The following ZDHHC14 variants were observed in gnomAD, a reference collection of about 807,000 sequenced individuals.
ZDHHC14 encodes the protein palmitoyltransferase ZDHHC14.
Under a neutral mutation model 47.7 loss-of-function variants are expected in ZDHHC14, and 16 were observed. The ratio of observed to expected loss-of-function variants is 0.34; its 90% CI spans 0.23 to 0.51. ZDHHC14 has a LOEUF of 0.51. Among genes scored for constraint, ZDHHC14 ranks in the 20% least tolerant of loss-of-function variants. The pLI, the probability that ZDHHC14 is intolerant of heterozygous loss-of-function variation, is 0.97. For synonymous variants in ZDHHC14, 293 were observed against 278.9 expected, an observed-to-expected ratio of 1.05 and a Z score of -0.50; for missense variants, 515 against 662.5, an observed-to-expected ratio of 0.78 and a Z score of 2.44.
intron 1 of ZDHHC14, among the ~76,000 whole-genome samples, chr6:157,491,140 G>GC (rs1286382012): frequency 1.3e-5 from 2 of 152,296 alleles, no homozygotes; most frequent in East Asian, 3.9e-4. Flanking sequence ...TACCCTTCTT[G>GC]CCCCCGTTTG....
chr6:157,586,956 A>G lies in ZDHHC14; in HGVS notation c.407-6032A>G, dbSNP rs1582981500. Among the ~76,000 whole-genome samples the G allele has an allele frequency of 6.6e-6, 1 of 152,222 alleles. No individual in the cohort carries two copies. The highest frequency in any genetic ancestry group is 1.5e-5 in the Non-Finnish European group (1 of 68,030). ...AAATGCACTTTGGAACTAAAGATCA[A>G]TAGAGTTTATCTTCAGGAGTGTCAG... On this transcript the variant is annotated intron_variant, in intron 2 of 8. Coordinates refer to ENST00000359775, the MANE Select transcript of ZDHHC14 (RefSeq NM_024630.3). This position sits in a 1 kb window ranked among gnomAD's most constrained non-coding sequence, Gnocchi z 4.6.
chr6:157,471,497 C>A (rs1157843160), intron 1 of ZDHHC14, among the ~76,000 whole-genome samples: 1 of 152,226 alleles, frequency 6.6e-6, no homozygotes, highest in African/African-American at 2.4e-5. Flanking sequence ...AGGGCAATTC[C>A]AGCATCTGTG....
intron 5 of ZDHHC14, among the ~76,000 whole-genome samples, chr6:157,635,974 G>A (rs1776952942): frequency 6.6e-6 from 1 of 152,144 alleles, no homozygotes; most frequent in Non-Finnish European, 1.5e-5. Flanking sequence ...TCTGGGTGCT[G>A]ACTCTTTCCT....
chr6:157,503,579 C>T (rs1209560000), intron 1 of ZDHHC14, among the ~76,000 whole-genome samples: 1 of 152,118 alleles, frequency 6.6e-6, no homozygotes, highest in African/African-American at 2.4e-5. Flanking sequence ...CTCAGAGTCA[C>T]CTACTGTCTC....
At chr6:157,485,696 G>C (rs923197889) in intron 1 of ZDHHC14, among the ~76,000 whole-genome samples, 1 of 103,364 alleles carries the variant, frequency 9.7e-6, no homozygotes, top group African/African-American at 3.4e-5. Context: ...TTTTTTTTTT[G>C]AAGGGAAAAA....
At chr6:157,464,048 A>T (rs1779153567) in intron 1 of ZDHHC14, among the ~76,000 whole-genome samples, 1 of 152,144 alleles carries the variant, frequency 6.6e-6, no homozygotes, top group Non-Finnish European at 1.5e-5. Context: ...AAATAAAATA[A>T]ATTAACACTA....
chr6:157,520,210 G>A (rs944344849), intron 1 of ZDHHC14, among the ~76,000 whole-genome samples: 2 of 152,144 alleles, frequency 1.3e-5, no homozygotes, highest in Non-Finnish European at 2.9e-5. Context: ...CTGACTGCAG[G>A]GGAGGAGCCT....
chr6:157,580,539 G>A (rs766873856), intron 2 of ZDHHC14, among the ~76,000 whole-genome samples: 11 of 152,074 alleles, frequency 7.2e-5, no homozygotes, highest in Non-Finnish European at 1.2e-4. Flanking sequence ...TGGTTAGTAA[G>A]CTTTTTATTA....
At chr6:157,415,815 C>T (rs893310336) in intron 1 of ZDHHC14, among the ~76,000 whole-genome samples, 1 of 151,198 alleles carries the variant, frequency 6.6e-6, no homozygotes, top group Non-Finnish European at 1.5e-5. Flanking sequence ...CAGAGATTGC[C>T]GTGAGCCGAG....
chr6:157,627,973 AC>A (rs1243390623), intron 3 of ZDHHC14, among the ~76,000 whole-genome samples: 1 of 152,198 alleles, frequency 6.6e-6, no homozygotes, highest in Non-Finnish European at 1.5e-5. Flanking sequence ...CCCAGAACTT[AC>A]CATCAGGCGG....
Position 157,606,913 on chromosome 6 carries a change from T to G in ZDHHC14, c.565+13767T>G, listed in dbSNP as rs567971201. ...TGGGAAACACATCACACTAGTGGTG[T>G]TTGTCACCACTAGAAACTGCAGCTA... On this transcript the variant is annotated intron_variant, in intron 3 of 8. Transcript: ENST00000359775. 2.4e-4 allele frequency among the ~76,000 whole-genome samples: 37 copies of G among 152,366 alleles called. No individual in the cohort carries two copies. The South Asian group carries it at 2.5e-3, about 10-fold the overall frequency.
intron 8 of ZDHHC14, among the ~76,000 whole-genome samples, chr6:157,665,694 G>A (rs1778523534): frequency 6.6e-6 from 1 of 152,126 alleles, no homozygotes; most frequent in Admixed American, 6.5e-5. Context: ...TAGAAAGCTG[G>A]CATCAAAGTA....
In ZDHHC14 at chr6:157,677,021, T is replaced by C. The variant is rs1411575659; in HGVS notation, c.*3899T>C. On this transcript the variant is annotated 3_prime_UTR_variant, in exon 9 of 9. Coordinates refer to ENST00000359775, the MANE Select transcript of ZDHHC14 (RefSeq NM_024630.3). ...AGAATAAAGGAGAACAAATATTAAA[T>C]ACTCTTTTCTAATTGATGCCTTACT... 1 of 152,222 alleles carries C rather than the reference T, an allele frequency of 6.6e-6. No homozygotes were observed. Among genetic ancestry groups the C allele is most frequent in the Non-Finnish European group, 1.5e-5 (1 of 68,038 alleles). 9.4% of individuals were successfully genotyped at this position (152,222 alleles called of 1,614,324 possible).
chr6:157,449,614 A>G (rs983412696), intron 1 of ZDHHC14, among the ~76,000 whole-genome samples: 4 of 152,326 alleles, frequency 2.6e-5, no homozygotes, highest in Middle Eastern at 3.4e-3. Context: ...AGAATTTCAT[A>G]TAAATGGAAT....
Position 157,506,304 on chromosome 6 carries a change from C to T in ZDHHC14, c.246-36281C>T, listed in dbSNP as rs554422806. 7.2e-5 allele frequency among the ~76,000 whole-genome samples: 11 copies of T among 152,328 alleles called. No individual in the cohort carries two copies. In the South Asian group the frequency reaches 2.3e-3, roughly 32 times the overall value. On this transcript the variant is annotated intron_variant, in intron 1 of 8. Coordinates refer to ENST00000359775, the MANE Select transcript of ZDHHC14 (RefSeq NM_024630.3). ...ACAATTGTTATTTTTGTCAACCTATCTCAGTTTCCTCATTAGGGAAATGAA... is the reference window on the plus strand; with the variant it reads ...ACAATTGTTATTTTTGTCAACCTATTTCAGTTTCCTCATTAGGGAAATGAA...
chr6:157,392,130 T>C (rs1777429886), intron 1 of ZDHHC14, among the ~76,000 whole-genome samples: 1 of 152,198 alleles, frequency 6.6e-6, no homozygotes, highest in Non-Finnish European at 1.5e-5. Flanking sequence ...AATGCTTAGG[T>C]CTGGATAAGT....
At chr6:157,518,619 C>T (rs1390943588) in intron 1 of ZDHHC14, among the ~76,000 whole-genome samples, 2 of 152,136 alleles carry the variant, frequency 1.3e-5, no homozygotes, top group Admixed American at 1.3e-4. Flanking sequence ...CTCAGCTCGC[C>T]TGTCCCCGCC....
rs142367621 is a variant in ZDHHC14 at position 157,431,530 on chromosome 6, C to A, written c.245+49264C>A. On this transcript the variant is annotated intron_variant, in intron 1 of 8. Coordinates refer to ENST00000359775, the MANE Select transcript of ZDHHC14 (RefSeq NM_024630.3). ...TGTTTTGGAGACTGAGGATGGAGGA[C>A]CTTAGTGTATTTGATGGTGGTTATG... Among the ~76,000 whole-genome samples the A allele has an allele frequency of 1.6e-4, 24 of 152,068 alleles. No individual in the cohort carries two copies. In the East Asian group the frequency reaches 2.5e-3, roughly 16 times the overall value.
intron 2 of ZDHHC14, among the ~76,000 whole-genome samples, chr6:157,555,121 G>A (rs1782405595): frequency 6.6e-6 from 1 of 152,166 alleles, no homozygotes; most frequent in Non-Finnish European, 1.5e-5. Flanking sequence ...GACTCAACAT[G>A]GATTTTACAT....
Sources: gnomAD v4.1 joint callset for allele counts (sites outside exome capture counted in the v4.1 genomes callset) on GRCh38, gnomAD v4.1.1 for gene constraint, Gnocchi (gnomAD v3.1) non-coding constraint, MANE v1.5 for transcripts, NCBI Gene and HGNC (gene_info 2026-07-23, HGNC 2026-07-21) for gene names.